The following FOXP1 variants were observed in gnomAD, a reference collection of about 807,000 sequenced individuals.
The protein encoded by FOXP1 is forkhead box P1.
In FOXP1, 15 loss-of-function variants were observed where a neutral mutation model predicts 98.2. The ratio of observed to expected loss-of-function variants is 0.15; its 90% CI spans 0.10 to 0.24. The LOEUF (loss-of-function observed/expected upper bound fraction) is 0.24, where lower values mean the gene tolerates loss of function less well. Ranked by LOEUF, FOXP1 falls within the 10% of genes least tolerant of loss-of-function variation. The pLI is 1.00. For synonymous variants in FOXP1, 371 were observed against 314.5 expected (o/e 1.18, Z -1.90); for missense variants, 633 against 848.5 (o/e 0.75, Z 3.15).
intron 5 of FOXP1, among the ~76,000 whole-genome samples, chr3:71,257,585 CA>C (rs11337315): frequency 0.28 from 19,832 of 71,608 alleles, 1,363 homozygotes; most frequent in African/African-American, 0.34. Flanking sequence ...AACTCCATCT[CA>C]AAAAAAAAAA....
intron 7 of FOXP1, among the ~76,000 whole-genome samples, chr3:71,060,237 A>G (rs895156410): frequency 6.6e-6 from 1 of 152,130 alleles, no homozygotes; most frequent in Admixed American, 6.5e-5. Flanking sequence ...TTAGGGTGCA[A>G]TCACTCTTTA....
intron 7 of FOXP1, among the ~76,000 whole-genome samples, chr3:71,094,048 C>T (rs1238287956): frequency 6.6e-6 from 1 of 152,080 alleles, no homozygotes; most frequent in Admixed American, 6.5e-5. Flanking sequence ...CCAAAGGTGT[C>T]CTAGAGACCA....
chr3:71,260,262 C>T lies in FOXP1; in HGVS notation c.-12+39558G>A, dbSNP rs376467425. Among the ~76,000 whole-genome samples, 16 of 152,232 alleles carry T rather than the reference C, an allele frequency of 1.1e-4. No individual in the cohort carries two copies. The East Asian group carries it at 1.9e-3, about 18-fold the overall frequency. On this transcript the variant is annotated intron_variant, in intron 5 of 20. Coordinates refer to ENST00000649528, the MANE Select transcript of FOXP1 (RefSeq NM_001349338.3). ...CCTCCCAAAGTGCTGGGATTACAGG[C>T]GTGAGCCACCGCGCCCGGCCAACAC...
chr3:71,511,192 CT>C (rs1466712109), intron 2 of FOXP1, among the ~76,000 whole-genome samples: 1 of 152,136 alleles, frequency 6.6e-6, no homozygotes, highest in Non-Finnish European at 1.5e-5. Context: ...AGCACTCTGG[CT>C]TAAAGGCTGG....
intron 3 of FOXP1, among the ~76,000 whole-genome samples, chr3:71,464,143 T>A (rs890757320): frequency 2.6e-5 from 4 of 152,114 alleles, no homozygotes; most frequent in African/African-American, 9.7e-5. Context: ...CTGGGCGTGA[T>A]GGCACATGCT....
intron 6 of FOXP1, among the ~76,000 whole-genome samples, chr3:71,129,182 A>G (rs1370696927): frequency 6.6e-6 from 1 of 152,096 alleles, no homozygotes; most frequent in African/African-American, 2.4e-5. Flanking sequence ...CCACACCTAC[A>G]CTAACATCTG....
rs1376082530 is a variant in FOXP1 at position 71,115,320 on chromosome 3, TA to T, written c.181-2684del. ...TCAATTATTATTATTATTATTATTT[TA>T]TTTATTTATTTATTTATTTATTTAT... On this transcript the variant is annotated intron_variant, in intron 6 of 20. Transcript: ENST00000649528. Among the ~76,000 whole-genome samples the T allele has an allele frequency of 8.0e-3, 119 of 14,864 alleles. 1 individual carries two copies. The highest frequency in any genetic ancestry group is 0.028 in the African/African-American group (66 of 2,354). The allele number at this position is 14,864 out of a possible 152,430, so 9.8% of individuals were successfully genotyped here.
At chr3:71,064,035 C>A (rs1482556266) in intron 7 of FOXP1, among the ~76,000 whole-genome samples, 1 of 152,066 alleles carries the variant, frequency 6.6e-6, no homozygotes, top group African/African-American at 2.4e-5. Flanking sequence ...GCTGGGAGTA[C>A]CCCGTGGCAA....
In FOXP1 at chr3:71,421,644, A is replaced by G. The variant is rs543833920; in HGVS notation, c.-167-62400T>C. On this transcript the variant is annotated intron_variant, in intron 3 of 20. Coordinates refer to ENST00000649528, the MANE Select transcript of FOXP1 (RefSeq NM_001349338.3). ...CGACTCAGGACAGAGACACCTGCGTAGTGAATGGTTCACACTAGAAACAGA... is the reference window on the plus strand; with the variant it reads ...CGACTCAGGACAGAGACACCTGCGTGGTGAATGGTTCACACTAGAAACAGA... 1.5e-4 allele frequency among the ~76,000 whole-genome samples: 23 copies of G among 152,292 alleles called. No homozygotes were observed. The South Asian group carries it at 4.4e-3, about 29-fold the overall frequency.
intron 6 of FOXP1, among the ~76,000 whole-genome samples, chr3:71,177,248 T>A (rs2061997717): frequency 6.6e-6 from 1 of 152,130 alleles, no homozygotes; most frequent in African/African-American, 2.4e-5. Flanking sequence ...GAAACCAACC[T>A]AAGTTACAAG....
chr3:71,253,272 T>C (rs1281684012), intron 5 of FOXP1, among the ~76,000 whole-genome samples: 1 of 152,350 alleles, frequency 6.6e-6, no homozygotes, highest in South Asian at 2.1e-4. Flanking sequence ...CAGCTGGGCA[T>C]GTATCTTAGG....
chr3:71,537,859 A>C (rs1386008753), intron 2 of FOXP1, among the ~76,000 whole-genome samples: 1 of 152,232 alleles, frequency 6.6e-6, no homozygotes, highest in Non-Finnish European at 1.5e-5. Flanking sequence ...TATATGGTTG[A>C]AGAAGACAAT....
At chr3:71,423,920 G>A (rs971131706) in intron 3 of FOXP1, among the ~76,000 whole-genome samples, 29 of 152,156 alleles carry the variant, frequency 1.9e-4, no homozygotes, top group African/African-American at 7.0e-4. Context: ...AGATGCACCA[G>A]CAGAAATATA....
intron 4 of FOXP1, among the ~76,000 whole-genome samples, chr3:71,357,869 T>C (rs1194184075): frequency 6.6e-6 from 1 of 152,208 alleles, no homozygotes; most frequent in African/African-American, 2.4e-5. Flanking sequence ...TTTATACTTA[T>C]ATCTCTCTTA....
intron 12 of FOXP1, among the ~76,000 whole-genome samples, chr3:71,007,653 T>C (rs2042974612): frequency 6.6e-6 from 1 of 152,174 alleles, no homozygotes; most frequent in Non-Finnish European, 1.5e-5. Context: ...TCTTAACATG[T>C]TCCAAGTAGT....
intron 3 of FOXP1, among the ~76,000 whole-genome samples, chr3:71,391,983 A>C (rs1247156754): frequency 6.6e-6 from 1 of 152,196 alleles, no homozygotes; most frequent in Non-Finnish European, 1.5e-5. Flanking sequence ...CGAACATCTT[A>C]ATTCAGAGTG....
At chr3:71,570,935 T>G (rs2047292586) in intron 2 of FOXP1, 1 of 151,172 alleles carries the variant, frequency 6.6e-6, no homozygotes, top group Non-Finnish European at 1.5e-5. Context: ...GTAGGAGGCT[T>G]TGCTTTGAAG....
At chr3:71,346,855 C>T (rs984873058) in intron 4 of FOXP1, among the ~76,000 whole-genome samples, 1 of 152,110 alleles carries the variant, frequency 6.6e-6, no homozygotes, top group African/African-American at 2.4e-5. Flanking sequence ...ACTATCCTGG[C>T]TAACATGGTG....
At chr3:71,479,571 C>T (rs1236736015) in intron 3 of FOXP1, among the ~76,000 whole-genome samples, 2 of 150,812 alleles carry the variant, frequency 1.3e-5, no homozygotes, top group African/African-American at 2.4e-5. Context: ...CCCAGCTACT[C>T]AGGAGGCTGA....
Sources: allele counts gnomAD v4.1 joint callset (sites outside exome capture counted in the v4.1 genomes callset), GRCh38; gene constraint gnomAD v4.1.1; transcripts MANE v1.5; gene names NCBI Gene and HGNC (gene_info 2026-07-23, HGNC 2026-07-21).